Variants in INO80D observed in about 807,000 individuals in gnomAD.
The protein encoded by INO80D is INO80 complex subunit D.
INO80D carries 21 observed loss-of-function variants against 87.6 expected under a neutral mutation model. The ratio of observed to expected loss-of-function variants is 0.24; its 90% CI spans 0.17 to 0.35. The LOEUF (loss-of-function observed/expected upper bound fraction) is 0.35. INO80D is among the 10% of genes least tolerant of loss of function. The probability of loss-of-function intolerance (pLI) is 1.00; values close to 1 mark genes in which losing one functional copy is unlikely to be tolerated. For missense variants in INO80D, 982 were observed against 1,280.7 expected (o/e 0.77, Z 3.56); for synonymous variants, 440 against 491.0 (o/e 0.90, Z 1.37).
chr2:206,018,129 C>T (rs1409439311), intron 7 of INO80D, among the ~76,000 whole-genome samples: 1 of 152,032 alleles, frequency 6.6e-6, no homozygotes, highest in Non-Finnish European at 1.5e-5. Flanking sequence ...TAAAGTTCCA[C>T]TTCATGTTTT....
At chr2:206,070,061 G>GCTC (rs1689920687) in intron 1 of INO80D, among the ~76,000 whole-genome samples, 1 of 151,380 alleles carries the variant, frequency 6.6e-6, no homozygotes, top group East Asian at 1.9e-4. Flanking sequence ...GCTGCTTTGA[G>GCTC]CTCAGAAGTT....
intron 1 of INO80D, among the ~76,000 whole-genome samples, chr2:206,066,698 G>A (rs766216136): frequency 7.9e-5 from 12 of 151,558 alleles, no homozygotes; most frequent in African/African-American, 1.7e-4. Context: ...CCAGCTACTC[G>A]GGAGGCTGAG....
chr2:206,053,129 A>T (rs965057023), intron 4 of INO80D, among the ~76,000 whole-genome samples: 96 of 151,598 alleles, frequency 6.3e-4, no homozygotes, highest in African/African-American at 1.5e-3. Flanking sequence ...TTTTTTTTTT[A>T]AAAGCTAAAG....
intron 5 of INO80D, among the ~76,000 whole-genome samples, chr2:206,045,883 T>C (rs1689180959): frequency 2.6e-5 from 4 of 152,218 alleles, no homozygotes; most frequent in Admixed American, 2.6e-4. Context: ...AGGGACCACG[T>C]GCAAGTTCCT....
At chr2:206,048,407 A>G (rs953090002) in intron 4 of INO80D, among the ~76,000 whole-genome samples, 9 of 151,956 alleles carry the variant, frequency 5.9e-5, no homozygotes, top group African/African-American at 1.9e-4. Context: ...TAATCTTTGT[A>G]CTTTTTGTAG....
Position 206,062,729 on chromosome 2 carries a change from A to C in INO80D, c.218+70T>G. 1 of 1,328,374 alleles carries C rather than the reference A, an allele frequency of 7.5e-7. No individual in the cohort carries two copies. The highest frequency in any genetic ancestry group is 1.0e-6 in the Non-Finnish European group (1 of 965,170). The allele number at this position is 1,328,374 out of a possible 1,614,324, so 82.3% of individuals were successfully genotyped here. ...TGAAGGACAGAAGAAAAGAGAAGAA[A>C]AAACAAGAAAAGAAAAAATTCCAAG... On this transcript the variant is annotated intron_variant, in intron 3 of 10. Transcript: ENST00000403263. This position sits in a 1 kb window ranked among gnomAD's most constrained non-coding sequence, Gnocchi z 4.6.
At chr2:206,034,272 A>G (rs143235205) in intron 5 of INO80D, among the ~76,000 whole-genome samples, 1 of 152,170 alleles carries the variant, frequency 6.6e-6, no homozygotes, top group African/African-American at 2.4e-5. Context: ...CCCTAATACC[A>G]AAACCAGGAC....
rs965415067 is a variant in INO80D, at chr2:205,995,860, G to A, written c.*8508C>T. On this transcript the variant is annotated 3_prime_UTR_variant, in exon 11 of 11. Coordinates refer to ENST00000403263, the MANE Select transcript of INO80D (RefSeq NM_017759.5). ...ATTCATCAAAGCAGTTTCATCATGA[G>A]AAAAATGAGTTAGTTACAGAATTCA... 1 of 152,058 alleles carries A rather than the reference G, an allele frequency of 6.6e-6. No individual in the cohort carries two copies. The highest frequency in any genetic ancestry group is 2.4e-5 in the African/African-American group (1 of 41,420). 9.4% of individuals were successfully genotyped at this position (152,058 alleles called of 1,614,324 possible).
chr2:206,066,124 T>C (rs1689809028), intron 1 of INO80D, among the ~76,000 whole-genome samples: 2 of 152,094 alleles, frequency 1.3e-5, no homozygotes, highest in South Asian at 4.1e-4. Context: ...GCTGGGCTTG[T>C]TGGCATGCGC....
chr2:206,019,716 C>G lies in INO80D; in HGVS notation c.1408+20G>C. On this transcript the variant is annotated intron_variant, in intron 7 of 10. Coordinates refer to ENST00000403263, the MANE Select transcript of INO80D (RefSeq NM_017759.5). Reference sequence around the variant, plus strand: ...AGGTAGTACTTTTTCAATGCACATTCCATTTAGTTGAAAGGATACGTTGGA... The same window carrying G: ...AGGTAGTACTTTTTCAATGCACATTGCATTTAGTTGAAAGGATACGTTGGA... 1 of 1,585,332 alleles carries G rather than the reference C, an allele frequency of 6.3e-7. No individual in the cohort carries two copies. Among genetic ancestry groups the G allele is most frequent in the Non-Finnish European group, 8.7e-7 (1 of 1,155,836 alleles).
chr2:206,058,510 G>C (rs374166063), intron 3 of INO80D, among the ~76,000 whole-genome samples: 1 of 151,882 alleles, frequency 6.6e-6, no homozygotes, highest in African/African-American at 2.4e-5. Flanking sequence ...CAAGACAGGT[G>C]GATCACCTGA....
At chr2:206,043,680 G>T (rs1175212579) in intron 5 of INO80D, among the ~76,000 whole-genome samples, 4 of 151,774 alleles carry the variant, frequency 2.6e-5, no homozygotes, top group African/African-American at 9.7e-5. Context: ...GTAGAGACGG[G>T]GTTTCACCGC....
intron 4 of INO80D, among the ~76,000 whole-genome samples, chr2:206,053,842 A>ATT (rs199765299): frequency 2.0e-4 from 29 of 147,008 alleles, no homozygotes; most frequent in East Asian, 8.0e-4. Context: ...AAGATACAGA[A>ATT]TTTTTTTTTT....
chr2:206,028,894 T>G (rs35553591), intron 5 of INO80D, among the ~76,000 whole-genome samples: 28,674 of 149,978 alleles, frequency 0.19, 3,224 homozygotes, highest in Non-Finnish European at 0.27. Context: ...GTTTTTTTGT[T>G]TTTTTTTTTT....
At position 205,994,323 on chromosome 2, in the gene INO80D, T is replaced by C. The variant is rs1455458052; in HGVS notation, c.*10045A>G. ...GCATGGCCTGTTAAACATACTTGGG[T>C]GCCAAGGTGAATGAGAACACTGAAA... On this transcript the variant is annotated 3_prime_UTR_variant, in exon 11 of 11. Coordinates refer to ENST00000403263, the MANE Select transcript of INO80D (RefSeq NM_017759.5). 2.0e-5 allele frequency: 3 copies of C among 152,202 alleles called. No individual in the cohort carries two copies. The highest frequency in any genetic ancestry group is 4.4e-5 in the Non-Finnish European group (3 of 68,044). The allele number at this position is 152,202 out of a possible 1,614,324, so 9.4% of individuals were successfully genotyped here.
intron 10 of INO80D, among the ~76,000 whole-genome samples, chr2:206,006,360 A>C (rs1688023689): frequency 6.6e-6 from 1 of 152,180 alleles, no homozygotes; most frequent in African/African-American, 2.4e-5. Context: ...GGTGGGGTAT[A>C]AAACTAGGGC....
At position 205,997,475 on chromosome 2, in the gene INO80D, T is replaced by C. The variant is rs1687829100; in HGVS notation, c.*6893A>G. 1 of 152,160 alleles carries C rather than the reference T, an allele frequency of 6.6e-6. No individual in the cohort carries two copies. Among genetic ancestry groups the C allele is most frequent in the Admixed American group, 6.5e-5 (1 of 15,280 alleles). The allele number at this position is 152,160 out of a possible 1,614,324, so 9.4% of individuals were successfully genotyped here. A position where few individuals can be genotyped will look rare whatever the true frequency, so the allele number is the denominator to read the frequency against. ...AATTGTTTATGAAAGGCCTATACTT[T>C]TTCTTAACTTCACCAAGAAAAGATG... is the stretch of plus-strand genomic sequence containing the variant. On this transcript the variant is annotated 3_prime_UTR_variant, in exon 11 of 11. Transcript: ENST00000403263.
chr2:206,042,607 G>A (rs1283460041), intron 5 of INO80D, among the ~76,000 whole-genome samples: 1 of 151,858 alleles, frequency 6.6e-6, no homozygotes, highest in Non-Finnish European at 1.5e-5. Flanking sequence ...CTTGAACTCG[G>A]GGGGCGGAGG....
rs902443533 is a variant in INO80D, at chr2:206,004,565, T to C, written c.2887A>G (p.Met963Val). The C allele has an allele frequency of 6.2e-7, 1 of 1,610,912 alleles. No individual in the cohort carries two copies. The highest frequency in any genetic ancestry group is 1.3e-5 in the African/African-American group (1 of 74,878). ...TGCTGCTTGGGAGAGGTGGAGGCCA[T>C]TAGTTCAGCAGAAGGCCCCATGCCA... ...FSGMGPSAEL[M>V]ASTSPKQQLP... Residue 963 changes from methionine (M) to valine (V), a missense_variant, in exon 11 of 11, where the codon ATG becomes GTG. Coordinates refer to ENST00000403263, the MANE Select transcript of INO80D (RefSeq NM_017759.5). This position sits in a 1 kb window ranked among gnomAD's most constrained non-coding sequence, Gnocchi z 4.9.
Sources: gnomAD v4.1 joint callset for allele counts (sites outside exome capture counted in the v4.1 genomes callset) on GRCh38, gnomAD v4.1.1 for gene constraint, Gnocchi (gnomAD v3.1) non-coding constraint, MANE v1.5 for transcripts, NCBI Gene and HGNC (gene_info 2026-07-23, HGNC 2026-07-21) for gene names.